ARHGAP10: variants seen among roughly 807,000 people sequenced by gnomAD.
ARHGAP10 encodes the protein rho GTPase-activating protein 10.
ARHGAP10 carries 87 observed loss-of-function variants against 108.6 expected under a neutral mutation model. The observed-to-expected ratio is 0.80, with a 90% confidence interval of 0.67 to 0.96. The LOEUF is 0.96. Ranked by LOEUF, ARHGAP10 falls within the 40% of genes least tolerant of loss-of-function variation. The pLI is 0.00. For synonymous variants in ARHGAP10, 347 were observed against 341.1 expected, an observed-to-expected ratio of 1.02 and a Z score of -0.19; for missense variants, 939 against 954.5, an observed-to-expected ratio of 0.98 and a Z score of 0.21.
intron 18 of ARHGAP10, among the ~76,000 whole-genome samples, chr4:147,980,975 G>T (rs895283089): frequency 3.3e-5 from 5 of 152,000 alleles, no homozygotes; most frequent in Admixed American, 6.6e-5. Flanking sequence ...TATCAATCTT[G>T]TTAATCCTAT....
intron 18 of ARHGAP10, among the ~76,000 whole-genome samples, chr4:147,980,183 T>G (rs936530322): frequency 6.6e-6 from 1 of 152,194 alleles, no homozygotes; most frequent in Admixed American, 6.5e-5. Flanking sequence ...CATAAATGGC[T>G]TTTATTATTT....
intron 18 of ARHGAP10, among the ~76,000 whole-genome samples, chr4:147,997,795 A>C (rs1740536712): frequency 1.3e-5 from 2 of 152,226 alleles, no homozygotes; most frequent in Non-Finnish European, 2.9e-5. Context: ...CCAGATTTCA[A>C]AAGGCAGAAA....
At chr4:147,802,290 A>G (rs1391363991) in intron 1 of ARHGAP10, among the ~76,000 whole-genome samples, 2 of 152,234 alleles carry the variant, frequency 1.3e-5, no homozygotes, top group Non-Finnish European at 2.9e-5. Flanking sequence ...AAACTCCAAC[A>G]TAGGTGATCC....
chr4:147,807,450 TA>T (rs1234167405), intron 1 of ARHGAP10, among the ~76,000 whole-genome samples: 4 of 152,074 alleles, frequency 2.6e-5, no homozygotes, highest in East Asian at 1.9e-4. Context: ...ATTTTTTTTT[TA>T]AATGTAGGAA....
chr4:147,958,636 A>G (rs1177753796), intron 16 of ARHGAP10, among the ~76,000 whole-genome samples: 1 of 152,142 alleles, frequency 6.6e-6, no homozygotes, highest in East Asian at 1.9e-4. Flanking sequence ...TGATGTATTC[A>G]TTTCACGGTA....
At chr4:148,042,799 A>C (rs1388263379) in intron 19 of ARHGAP10, among the ~76,000 whole-genome samples, 1 of 152,196 alleles carries the variant, frequency 6.6e-6, no homozygotes, top group Non-Finnish European at 1.5e-5. Context: ...AGTAAATGCT[A>C]GTTGGGTGAA....
rs373197675 is a variant in ARHGAP10 at position 147,835,659 on chromosome 4, C to T, written c.313-11492C>T. ...AAAGTGCTGGGATTACAGGCATGAGCCACTGCGCCTGGCCTATTTTATTTT... is the reference window on the plus strand; with the variant it reads ...AAAGTGCTGGGATTACAGGCATGAGTCACTGCGCCTGGCCTATTTTATTTT... On this transcript the variant is annotated intron_variant, in intron 3 of 22. Coordinates refer to ENST00000336498, the MANE Select transcript of ARHGAP10 (RefSeq NM_024605.4). Among the ~76,000 whole-genome samples, 20 of 152,354 alleles carry T rather than the reference C, an allele frequency of 1.3e-4. 1 individual carries two copies. The highest frequency in any genetic ancestry group is 4.8e-4 in the African/African-American group (20 of 41,590).
At chr4:147,781,319 A>T (rs1730522865) in intron 1 of ARHGAP10, among the ~76,000 whole-genome samples, 1 of 152,052 alleles carries the variant, frequency 6.6e-6, no homozygotes, top group African/African-American at 2.4e-5. Flanking sequence ...CTATTGGGGG[A>T]TAGGTAGGTG....
intron 1 of ARHGAP10, among the ~76,000 whole-genome samples, chr4:147,738,135 G>A (rs1728493991): frequency 1.3e-5 from 2 of 151,584 alleles, no homozygotes; most frequent in Admixed American, 1.3e-4. Context: ...TAATATAGAA[G>A]ATTAAGAGCA....
chr4:148,061,788 C>CT (rs1560898948), intron 20 of ARHGAP10, among the ~76,000 whole-genome samples: 1 of 152,210 alleles, frequency 6.6e-6, no homozygotes, highest in East Asian at 1.9e-4. Context: ...CCCCGCCAAT[C>CT]TGCCTGGCTT....
At chr4:147,781,160 C>G (rs1730515566) in intron 1 of ARHGAP10, among the ~76,000 whole-genome samples, 1 of 152,060 alleles carries the variant, frequency 6.6e-6, no homozygotes, top group South Asian at 2.1e-4. Context: ...AGATCGAGAC[C>G]ATTCTGGCTA....
At chr4:147,783,106 T>C (rs1730621365) in intron 1 of ARHGAP10, among the ~76,000 whole-genome samples, 1 of 143,326 alleles carries the variant, frequency 7.0e-6, no homozygotes, top group African/African-American at 2.5e-5. Flanking sequence ...ATGTAAATTA[T>C]ATGTTAAATT....
chr4:147,922,116 A>AGAAG (rs1291574134), intron 13 of ARHGAP10, among the ~76,000 whole-genome samples: 4 of 152,144 alleles, frequency 2.6e-5, no homozygotes, highest in African/African-American at 9.7e-5. Context: ...GTGGGGTGTC[A>AGAAG]GAAGGAAGGA....
At chr4:147,741,103 T>C (rs867461660) in intron 1 of ARHGAP10, among the ~76,000 whole-genome samples, 2 of 152,244 alleles carry the variant, frequency 1.3e-5, no homozygotes, top group African/African-American at 2.4e-5. Context: ...CTTTTTTTCC[T>C]ACAAGTGACA....
rs551734666 is a variant in ARHGAP10 at position 147,732,111 on chromosome 4, C to T, written c.-191C>T. 1.3e-3 allele frequency: 514 copies of T among 396,198 alleles called. No individual in the cohort carries two copies. Among genetic ancestry groups the T allele is most frequent in the Non-Finnish European group, 1.5e-3 (367 of 239,334 alleles). 24.5% of individuals were successfully genotyped at this position (396,198 alleles called of 1,614,324 possible). On this transcript the variant is annotated 5_prime_UTR_variant, in exon 1 of 23. Coordinates refer to ENST00000336498, the MANE Select transcript of ARHGAP10 (RefSeq NM_024605.4). ...TTGGGGCGCCGCAGCTAGCGCTGGT[C>T]TCGGTGGCAGCTCCTCCGCGCCGCA...
At chr4:147,747,617 A>G (rs997644011) in intron 1 of ARHGAP10, among the ~76,000 whole-genome samples, 1 of 152,084 alleles carries the variant, frequency 6.6e-6, no homozygotes, top group African/African-American at 2.4e-5. Context: ...AGTTCTTTGC[A>G]TGTGTTTCTA....
chr4:147,948,893 G>T (rs1007181740), intron 15 of ARHGAP10, among the ~76,000 whole-genome samples: 5 of 151,334 alleles, frequency 3.3e-5, no homozygotes, highest in Admixed American at 2.0e-4. Flanking sequence ...GGGAACCCAG[G>T]AGGCGGAGCT....
rs550792867 is a variant in ARHGAP10, at chr4:147,785,444, A to C, written c.155-37283A>C. On this transcript the variant is annotated intron_variant, in intron 1 of 22. Coordinates refer to ENST00000336498, the MANE Select transcript of ARHGAP10 (RefSeq NM_024605.4). ...AAGCTGTATTGTGCCCGTCAGATCA[A>C]TAGTGTGTAACTTTTAGAACACAAA... 3.9e-5 allele frequency among the ~76,000 whole-genome samples: 6 copies of C among 152,296 alleles called. No individual in the cohort carries two copies. The South Asian group carries it at 1.2e-3, about 32-fold the overall frequency.
intron 20 of ARHGAP10, among the ~76,000 whole-genome samples, chr4:148,056,037 C>G (rs1213504622): frequency 6.6e-6 from 1 of 152,238 alleles, no homozygotes; most frequent in Non-Finnish European, 1.5e-5. Context: ...TATTGGAACA[C>G]AGCTACACTT....
Sources: gnomAD v4.1 joint callset for allele counts (sites outside exome capture counted in the v4.1 genomes callset) on GRCh38, gnomAD v4.1.1 for gene constraint, MANE v1.5 for transcripts, NCBI Gene and HGNC (gene_info 2026-07-23, HGNC 2026-07-21) for gene names.